Variants in NCK2 observed in about 807,000 individuals in gnomAD.
NCK2 encodes NCK adaptor protein 2.
Under a neutral mutation model 33.9 loss-of-function variants are expected in NCK2, and 16 were observed. The observed-to-expected ratio is 0.47, with a 90% confidence interval of 0.32 to 0.72. The LOEUF is 0.72. NCK2 is among the 30% of genes least tolerant of loss of function. NCK2 has a pLI of 0.03. For missense variants in NCK2, 418 were observed against 537.3 expected, an observed-to-expected ratio of 0.78 and a Z score of 2.19; for synonymous variants, 273 against 239.9, an observed-to-expected ratio of 1.14 and a Z score of -1.27.
chr2:105,861,583 C>T (rs9646960), intron 3 of NCK2, among the ~76,000 whole-genome samples: 139,674 of 149,544 alleles, frequency 0.93, 65,316 homozygotes, highest in East Asian at 0.98. Flanking sequence ...GGCACAATCT[C>T]GGCTCACTGC....
At chr2:105,863,978 G>A (rs1030837276) in intron 3 of NCK2, among the ~76,000 whole-genome samples, 1 of 146,032 alleles carries the variant, frequency 6.8e-6, no homozygotes, top group Non-Finnish European at 1.6e-5. Context: ...GCGAGGGGGG[G>A]TGGGGTCTCA....
intron 3 of NCK2, among the ~76,000 whole-genome samples, chr2:105,860,012 C>T (rs144992537): frequency 6.5e-4 from 99 of 152,188 alleles, no homozygotes; most frequent in African/African-American, 1.7e-3. Context: ...GGGCTGGGCA[C>T]GATGGTTTAT....
At chr2:105,798,403 TATAAAATGAAGAG>T in intron 1 of NCK2, among the ~76,000 whole-genome samples, 1 of 152,316 alleles carries the variant, frequency 6.6e-6, no homozygotes, top group South Asian at 2.1e-4. Context: ...TTTTTCTTTT[TATAAAATGAAGAG>T]ATCTGTCCAC....
chr2:105,863,000 C>A (rs930635427), intron 3 of NCK2, among the ~76,000 whole-genome samples: 1 of 151,762 alleles, frequency 6.6e-6, no homozygotes, highest in Non-Finnish European at 1.5e-5. Context: ...GGACTTAGAA[C>A]ATGAGAATAA....
At chr2:105,869,763 T>G (rs1677922085) in intron 3 of NCK2, among the ~76,000 whole-genome samples, 1 of 152,210 alleles carries the variant, frequency 6.6e-6, no homozygotes, top group African/African-American at 2.4e-5. Flanking sequence ...ACGCTTGGGC[T>G]CATGGATCTG....
chr2:105,792,280 T>C (rs534365972), intron 1 of NCK2, among the ~76,000 whole-genome samples: 2 of 152,186 alleles, frequency 1.3e-5, no homozygotes, highest in African/African-American at 4.8e-5. Flanking sequence ...TTCTTAGTTA[T>C]CAAGATCATC....
At chr2:105,882,122 C>G (rs967612265) in intron 4 of NCK2, 73 bp downstream of exon 4, 101 of 1,397,408 alleles carry the variant, frequency 7.2e-5, no homozygotes, top group Middle Eastern at 2.4e-4. Flanking sequence ...GTGTGCCGCG[C>G]CCTTTTCACA....
intron 1 of NCK2, among the ~76,000 whole-genome samples, chr2:105,770,418 T>C (rs998255937): frequency 3.3e-5 from 5 of 152,212 alleles, no homozygotes; most frequent in Admixed American, 6.5e-5. Flanking sequence ...GATTTATGTG[T>C]CCTGATTAAA....
At chr2:105,785,557 G>C (rs1690647838) in intron 1 of NCK2, among the ~76,000 whole-genome samples, 2 of 152,216 alleles carry the variant, frequency 1.3e-5, no homozygotes, top group Non-Finnish European at 2.9e-5. Context: ...CCCACTGACA[G>C]GTTTCCCGCT....
At chr2:105,765,801 G>GTC (rs1558826614) in intron 1 of NCK2, among the ~76,000 whole-genome samples, 3 of 151,374 alleles carry the variant, frequency 2.0e-5, no homozygotes, top group South Asian at 2.1e-4. Context: ...GTGTGTGTGT[G>GTC]TGTGTGTGTG....
intron 4 of NCK2, among the ~76,000 whole-genome samples, chr2:105,885,947 A>C (rs972560532): frequency 1.3e-5 from 2 of 152,150 alleles, no homozygotes; most frequent in African/African-American, 4.8e-5. Context: ...GTTTGAAAAT[A>C]AACGTGCTGT....
chr2:105,771,459 G>A (rs1690134242), intron 1 of NCK2, among the ~76,000 whole-genome samples: 1 of 151,950 alleles, frequency 6.6e-6, no homozygotes, highest in East Asian at 2.0e-4. Flanking sequence ...CCAGCTACTT[G>A]GGAGGCTGAG....
At chr2:105,780,478 C>T (rs7563690) in intron 1 of NCK2, among the ~76,000 whole-genome samples, 71,721 of 152,008 alleles carry the variant, frequency 0.47, 17,930 homozygotes, top group African/African-American at 0.64. Flanking sequence ...TCGCTCATGT[C>T]CTGTGTCACA....
At chr2:105,817,967 G>T (rs1288519748) in intron 2 of NCK2, among the ~76,000 whole-genome samples, 1 of 152,012 alleles carries the variant, frequency 6.6e-6, no homozygotes, top group East Asian at 1.9e-4. Context: ...CTGCTATAAA[G>T]ACACATGCAC....
intron 2 of NCK2, chr2:105,851,708 G>A (rs1384570721): frequency 2.6e-5 from 4 of 152,382 alleles, no homozygotes; most frequent in Non-Finnish European, 5.9e-5. Flanking sequence ...CTCTGAAGCA[G>A]TCTCACTGCA....
intron 4 of NCK2, 82 bp from the exon 5 acceptor site, chr2:105,892,900 T>C (rs1679047720): frequency 8.2e-7 from 1 of 1,216,814 alleles, no homozygotes; most frequent in Non-Finnish European, 1.1e-6. Flanking sequence ...GGTTTGGATT[T>C]AGACGCACAA....
chr2:105,835,388 C>CGTGT, intron 2 of NCK2, among the ~76,000 whole-genome samples: 10 of 52,120 alleles, frequency 1.9e-4, no homozygotes, highest in East Asian at 6.2e-4. Context: ...TATATATACA[C>CGTGT]ATATATATAT....
At chr2:105,873,396 C>G (rs965227276) in intron 3 of NCK2, among the ~76,000 whole-genome samples, 4 of 152,178 alleles carry the variant, frequency 2.6e-5, no homozygotes, top group African/African-American at 9.7e-5. Context: ...CTCCCAGCAT[C>G]ACAGGTTTCT....
chr2:105,870,358 G>A (rs1320053656), intron 3 of NCK2, among the ~76,000 whole-genome samples: 2 of 152,232 alleles, frequency 1.3e-5, no homozygotes, highest in Non-Finnish European at 2.9e-5. Context: ...TGTGGCATGA[G>A]GCTTCTTCCT....
Sources: gnomAD v4.1 joint callset for allele counts (sites outside exome capture counted in the v4.1 genomes callset) on GRCh38, gnomAD v4.1.1 for gene constraint, MANE v1.5 for transcripts, NCBI Gene and HGNC (gene_info 2026-07-23, HGNC 2026-07-21) for gene names.